Variants in GAS7 observed in about 807,000 individuals in gnomAD.
The protein encoded by GAS7 is growth arrest specific 7, also known as growth arrest-specific protein 7.
GAS7 carries 28 observed loss-of-function variants against 71.1 expected under a neutral mutation model. That is an observed-to-expected ratio of 0.39 (90% confidence interval 0.29 to 0.54). GAS7 has a LOEUF of 0.54. Among genes scored for constraint, GAS7 ranks in the 20% least tolerant of loss-of-function variants. The probability of loss-of-function intolerance (pLI) is 0.62; values close to 1 mark genes in which losing one functional copy is unlikely to be tolerated. For missense variants in GAS7, 436 were observed against 627.8 expected, an observed-to-expected ratio of 0.69 and a Z score of 3.27; for synonymous variants, 258 against 245.8, an observed-to-expected ratio of 1.05 and a Z score of -0.46.
intron 1 of GAS7, among the ~76,000 whole-genome samples, chr17:10,162,722 A>T (rs2074265757): frequency 6.6e-6 from 1 of 152,210 alleles, no homozygotes; most frequent in South Asian, 2.1e-4. Flanking sequence ...AAATGTTCAA[A>T]TGCTAAGCTA....
chr17:10,025,826 G>A (rs891638763), intron 1 of GAS7, among the ~76,000 whole-genome samples: 1 of 152,190 alleles, frequency 6.6e-6, no homozygotes, highest in African/African-American at 2.4e-5. Flanking sequence ...TGCAGCATTA[G>A]AGGCAGCAAC....
At chr17:9,990,276 A>G (rs2070790768) in intron 2 of GAS7, among the ~76,000 whole-genome samples, 1 of 152,198 alleles carries the variant, frequency 6.6e-6, no homozygotes, top group Non-Finnish European at 1.5e-5. Context: ...CTCAAAAAAA[A>G]AAGAAAAAAG....
At chr17:10,156,527 G>A (rs2074206558) in intron 1 of GAS7, among the ~76,000 whole-genome samples, 1 of 152,196 alleles carries the variant, frequency 6.6e-6, no homozygotes, top group South Asian at 2.1e-4. Context: ...CTCTCCACTT[G>A]CCTGTCGGGA....
At chr17:9,921,828 A>G (rs1045082474) in intron 11 of GAS7, among the ~76,000 whole-genome samples, 2 of 152,058 alleles carry the variant, frequency 1.3e-5, no homozygotes, top group Middle Eastern at 3.4e-3. Flanking sequence ...GCGTGGTGGC[A>G]GGCGCCTGTA....
At chr17:10,004,672 T>C (rs570341067) in intron 2 of GAS7, among the ~76,000 whole-genome samples, 131 of 152,308 alleles carry the variant, frequency 8.6e-4, no homozygotes, top group African/African-American at 3.1e-3. Context: ...TTTTATTCTC[T>C]TGCTTGGTCC....
In GAS7 at chr17:9,974,732, G is replaced by A. The variant is rs1416374068; in HGVS notation, c.386-4970C>T. ...ACAGATATTTGGGTAGAAAAGAGGA[G>A]GGAGGTCTGGGTAGGGAGAAGTCAA... On this transcript the variant is annotated intron_variant, in intron 3 of 13. Coordinates refer to ENST00000432992, the MANE Select transcript of GAS7 (RefSeq NM_201433.2). The surrounding 1 kb of genome is among the most constrained non-coding windows in gnomAD (Gnocchi z 4.0). 1.3e-5 allele frequency among the ~76,000 whole-genome samples: 2 copies of A among 152,108 alleles called. No homozygotes were observed. The highest frequency in any genetic ancestry group is 6.5e-5 in the Admixed American group (1 of 15,268).
chr17:10,053,370 G>T (rs1053243743), intron 1 of GAS7, among the ~76,000 whole-genome samples: 1 of 152,212 alleles, frequency 6.6e-6, no homozygotes, highest in Non-Finnish European at 1.5e-5. Flanking sequence ...GAGGCCAAGT[G>T]ATCTTCTATG....
At chr17:10,024,001 G>A (rs2072370724) in intron 1 of GAS7, among the ~76,000 whole-genome samples, 1 of 152,150 alleles carries the variant, frequency 6.6e-6, no homozygotes, top group African/African-American at 2.4e-5. Context: ...GCAGGTGCCT[G>A]TAATCCCAGC....
At chr17:10,124,743 C>A (rs1375683883) in intron 1 of GAS7, among the ~76,000 whole-genome samples, 1 of 152,066 alleles carries the variant, frequency 6.6e-6, no homozygotes, top group East Asian at 1.9e-4. Flanking sequence ...CATGGTGAAA[C>A]CCTGTCTCTA....
At chr17:9,923,578 G>C (rs1016437373) in intron 11 of GAS7, among the ~76,000 whole-genome samples, 39 of 152,174 alleles carry the variant, frequency 2.6e-4, no homozygotes, top group African/African-American at 9.2e-4. Flanking sequence ...CTGGGTTATG[G>C]AGAAAAGCAA....
chr17:10,067,385 T>C (rs2073292958), intron 1 of GAS7, among the ~76,000 whole-genome samples: 1 of 152,074 alleles, frequency 6.6e-6, no homozygotes, highest in Non-Finnish European at 1.5e-5. Flanking sequence ...GCTGGGACTA[T>C]AGGCGCATGC....
At chr17:10,159,571 A>G (rs1165831535) in intron 1 of GAS7, among the ~76,000 whole-genome samples, 1 of 152,178 alleles carries the variant, frequency 6.6e-6, no homozygotes. Flanking sequence ...ACCAAAAAGA[A>G]TAACTTCTCT....
chr17:10,093,657 C>A (rs978670162), intron 1 of GAS7, among the ~76,000 whole-genome samples: 3 of 151,882 alleles, frequency 2.0e-5, no homozygotes, highest in African/African-American at 7.3e-5. Context: ...TCCCTCCCAC[C>A]ACCTGCAATC....
At position 9,919,711 on chromosome 17, in the gene GAS7, A is replaced by G. The variant is rs372260899; in HGVS notation, c.1139-6T>C. On this transcript the variant is annotated splice_polypyrimidine_tract_variant and splice_region_variant and intron_variant, in intron 11 of 13. Coordinates refer to ENST00000432992, the MANE Select transcript of GAS7 (RefSeq NM_201433.2). This position sits in a 1 kb window ranked among gnomAD's most constrained non-coding sequence, Gnocchi z 5.0. ...ACAGCGCATGAGGTCGTCTCCTGGA[A>G]AAAGACCACAGTCACCATCATGAAG... 1.4e-5 allele frequency: 22 copies of G among 1,604,064 alleles called. No individual in the cohort carries two copies. The African/African-American group carries it at 2.5e-4, about 19-fold the overall frequency.
intron 9 of GAS7, among the ~76,000 whole-genome samples, chr17:9,933,879 T>A (rs907344355): frequency 6.6e-6 from 1 of 152,058 alleles, no homozygotes. Flanking sequence ...ACAAAGGCAA[T>A]AAATACCTAG....
At chr17:10,197,385 G>A (rs138878473) in intron 1 of GAS7, among the ~76,000 whole-genome samples, 71 of 141,240 alleles carry the variant, frequency 5.0e-4, no homozygotes, top group African/African-American at 1.6e-3. Flanking sequence ...TCTAGTAAAG[G>A]GGATGTCCTG....
Position 10,165,307 on chromosome 17 carries a change from A to G in GAS7, c.183+32901T>C, listed in dbSNP as rs913867716. 1.5e-4 allele frequency among the ~76,000 whole-genome samples: 22 copies of G among 151,484 alleles called. 2 individuals carry two copies. The highest frequency in any genetic ancestry group is 8.6e-4 in the Admixed American group (13 of 15,192). ...ATTCCTTCTCAAAAAAAAAAAAAAA[A>G]AAAAGAAAACAAAAGAAAAGTTTAA... On this transcript the variant is annotated intron_variant, in intron 1 of 13. Coordinates refer to ENST00000432992, the MANE Select transcript of GAS7 (RefSeq NM_201433.2).
intron 1 of GAS7, among the ~76,000 whole-genome samples, chr17:10,060,545 G>A (rs961090730): frequency 2.0e-5 from 3 of 152,130 alleles, no homozygotes; most frequent in Non-Finnish European, 2.9e-5. Context: ...CAGAAAGCCC[G>A]CAGTCCCCAA....
intron 1 of GAS7, among the ~76,000 whole-genome samples, chr17:10,054,228 T>A (rs551442769): frequency 6.6e-6 from 1 of 151,950 alleles, no homozygotes; most frequent in South Asian, 2.1e-4. Context: ...GTGCGGGGAA[T>A]ATTTCCTGCT....
Sources: allele counts gnomAD v4.1 joint callset (sites outside exome capture counted in the v4.1 genomes callset), GRCh38; gene constraint gnomAD v4.1.1; non-coding constraint Gnocchi (gnomAD v3.1); transcripts MANE v1.5; gene names NCBI Gene and HGNC (gene_info 2026-07-23, HGNC 2026-07-21).